OR2T33: variants seen among roughly 807,000 people sequenced by gnomAD.
The protein encoded by OR2T33 is olfactory receptor 2T33.
A neutral mutation model predicts 14.0 loss-of-function variants in OR2T33; 10 were observed. The ratio of observed to expected loss-of-function variants is 0.72; its 90% CI spans 0.44 to 1.22. The LOEUF (loss-of-function observed/expected upper bound fraction) is 1.22, where lower values mean the gene tolerates loss of function less well. OR2T33 is among the 50% of genes most tolerant of loss of function. The pLI is 0.00. For missense variants in OR2T33, 276 were observed against 405.9 expected (o/e 0.68, Z 2.75); for synonymous variants, 103 against 159.4 (o/e 0.65, Z 2.66).
chr1:248,276,311 A>G (rs1011816010), intron 1 of OR2T33, among the ~76,000 whole-genome samples: 2 of 152,340 alleles, frequency 1.3e-5, no homozygotes, highest in African/African-American at 4.8e-5. Context: ...AAGAAATTAC[A>G]TGATTTTTGC....
At chr1:248,275,172 G>A (rs1659433837) in intron 1 of OR2T33, among the ~76,000 whole-genome samples, 2 of 152,150 alleles carry the variant, frequency 1.3e-5, no homozygotes, top group Non-Finnish European at 2.9e-5. Flanking sequence ...CTCATTCAGG[G>A]CCTTCAGAAA....
At position 248,275,735 on chromosome 1, in the gene OR2T33, C is replaced by CAAA. The variant is rs71782093; in HGVS notation, c.-8-1916_-8-1914dup. ...TAAAATAGAGTGTGCAGAGAAGCACCAAAAAAAAAAAAATCACCTGTGTCT... is the reference window on the plus strand; with the variant it reads ...TAAAATAGAGTGTGCAGAGAAGCACCAAAAAAAAAAAAAAAATCACCTGTGTCT... On this transcript the variant is annotated intron_variant, in intron 1 of 1. Transcript: ENST00000641220. 4.6e-4 allele frequency among the ~76,000 whole-genome samples: 68 copies of CAAA among 146,314 alleles called. 1 individual carries two copies. Among genetic ancestry groups the CAAA allele is most frequent in the Non-Finnish European group, 6.1e-4 (41 of 66,738 alleles).
intron 1 of OR2T33, among the ~76,000 whole-genome samples, chr1:248,276,708 C>G (rs1459624333): frequency 6.6e-6 from 1 of 152,036 alleles, no homozygotes; most frequent in Non-Finnish European, 1.5e-5. Flanking sequence ...TCATCCTAAG[C>G]TGTGAAAAAT....
chr1:248,273,023 C>A lies in OR2T33; in HGVS notation c.792G>T (p.Arg264Ser), dbSNP rs774513477. 18 of 1,613,930 alleles carry A rather than the reference C, an allele frequency of 1.1e-5. No individual in the cohort carries two copies. Among genetic ancestry groups the A allele is most frequent in the Non-Finnish European group, 1.3e-5 (15 of 1,179,982 alleles). The change falls in exon 2 of 2, where the codon AGG becomes AGT. Residue 264 changes from arginine to serine, a missense_variant. Arg to Ser is a moderately radical substitution (Grantham distance 110, BLOSUM62 -1). Coordinates refer to ENST00000641220, the MANE Select transcript of OR2T33 (RefSeq NM_001004695.2). ...IFTYMRPKSH[R>S]STNHDKVVSA... Reference sequence around the variant, plus strand: ...ACACAACCTTGTCATGGTTAGTGGACCTATGGGATTTGGGTCTCATATAGG... The same window carrying A: ...ACACAACCTTGTCATGGTTAGTGGAACTATGGGATTTGGGTCTCATATAGG...
chr1:248,270,849 C>G lies in OR2T33; in HGVS notation c.*2003G>C, dbSNP rs543694712. On this transcript the variant is annotated 3_prime_UTR_variant, in exon 2 of 2. Transcript: ENST00000641220. ...ATATACCATTAAAATAACAAACAGG[C>G]TAGCCAAAAAGCAGGAAAAAATATT... 6.6e-6 allele frequency: 1 copy of G among 151,994 alleles called. No homozygotes were observed. The highest frequency in any genetic ancestry group is 1.9e-4 in the East Asian group (1 of 5,174). The allele number at this position is 151,994 out of a possible 1,614,324, so 9.4% of individuals were successfully genotyped here.
Position 248,272,542 on chromosome 1 carries a change from T to G in OR2T33, c.*310A>C. The G allele has an allele frequency of 3.7e-6, 1 of 271,934 alleles. No homozygotes were observed. The highest frequency in any genetic ancestry group is 7.9e-5 in the East Asian group (1 of 12,598). 16.8% of individuals were successfully genotyped at this position (271,934 alleles called of 1,614,324 possible). ...CTTATTATTTCCGTGCTGTGTGAAA[T>G]TGGGAACAATATTTACCTTTCCATG... On this transcript the variant is annotated 3_prime_UTR_variant, in exon 2 of 2. Coordinates refer to ENST00000641220, the MANE Select transcript of OR2T33 (RefSeq NM_001004695.2).
chr1:248,276,498 G>A (rs1659448681), intron 1 of OR2T33, among the ~76,000 whole-genome samples: 1 of 152,046 alleles, frequency 6.6e-6, no homozygotes, highest in Non-Finnish European at 1.5e-5. Context: ...GAAGGCTATG[G>A]TGACATGATG....
Position 248,272,762 on chromosome 1 carries a change from A to T in OR2T33, c.*90T>A. 1 of 1,489,068 alleles carries T rather than the reference A, an allele frequency of 6.7e-7. No homozygotes were observed. Among genetic ancestry groups the T allele is most frequent in the Non-Finnish European group, 9.0e-7 (1 of 1,110,088 alleles). The allele number at this position is 1,489,068 out of a possible 1,614,324, so 92.2% of individuals were successfully genotyped here. A position where few individuals can be genotyped will look rare whatever the true frequency, so the allele number is the denominator to read the frequency against. ...TCCTATTATATCAATGCAAAAACTTAATTTTCTCTGCATGAATTGCTAAAG... is the reference window on the plus strand; with the variant it reads ...TCCTATTATATCAATGCAAAAACTTTATTTTCTCTGCATGAATTGCTAAAG... On this transcript the variant is annotated 3_prime_UTR_variant, in exon 2 of 2. Coordinates refer to ENST00000641220, the MANE Select transcript of OR2T33 (RefSeq NM_001004695.2).
Position 248,277,828 on chromosome 1 carries a change from G to C in OR2T33, c.-72C>G, listed in dbSNP as rs1659464116. 6.6e-6 allele frequency: 1 copy of C among 152,088 alleles called. No individual in the cohort carries two copies. The highest frequency in any genetic ancestry group is 2.1e-4 in the South Asian group (1 of 4,836). The allele number at this position is 152,088 out of a possible 1,614,324, so 9.4% of individuals were successfully genotyped here. A position where few individuals can be genotyped will look rare whatever the true frequency, so the allele number is the denominator to read the frequency against. On this transcript the variant is annotated 5_prime_UTR_variant, in exon 1 of 2. Transcript: ENST00000641220. ...TGGGACTGAATCTTTCTGATGGTTTGAGTACAAATGTTTGCTTAATCTTAG... is the reference window on the plus strand; with the variant it reads ...TGGGACTGAATCTTTCTGATGGTTTCAGTACAAATGTTTGCTTAATCTTAG...
rs75662887 is a variant in OR2T33, at chr1:248,273,555, C to T, written c.260G>A (p.Ser87Asn). The T allele has an allele frequency of 0.061, 93,162 of 1,538,754 alleles. 1,668 individuals are homozygous for T. Among genetic ancestry groups the T allele is most frequent in the East Asian group, 0.26 (11,171 of 43,084 alleles). ...PKMAADYLTG[S>N]KAISRAGCGV... ...ACAGCCAGCGCGGGAGATGGCCTTA[C>T]TTCCGGTCAAGTAGTCAGCCGCCAT... Residue 87 changes from serine to asparagine, a missense_variant, in exon 2 of 2, where the codon AGT (serine) becomes AAT (asparagine). By Grantham distance (46) the Ser-to-Asn change is conservative. Transcript: ENST00000641220.
rs1018626714 is a variant in OR2T33, at chr1:248,269,952, A to C, written c.*2900T>G. 6.6e-6 allele frequency: 1 copy of C among 152,212 alleles called. No individual in the cohort carries two copies. Among genetic ancestry groups the C allele is most frequent in the African/African-American group, 2.4e-5 (1 of 41,448 alleles). The allele number at this position is 152,212 out of a possible 1,614,324, so 9.4% of individuals were successfully genotyped here. A position where few individuals can be genotyped will look rare whatever the true frequency, so the allele number is the denominator to read the frequency against. ...CCCAAGGATTATAAATCATGCTGCT[A>C]TAAAGACACATGCACACATATGTTT... On this transcript the variant is annotated 3_prime_UTR_variant, in exon 2 of 2. Coordinates refer to ENST00000641220, the MANE Select transcript of OR2T33 (RefSeq NM_001004695.2).
At chr1:248,275,131 G>A (rs1423937922) in intron 1 of OR2T33, among the ~76,000 whole-genome samples, 1 of 152,134 alleles carries the variant, frequency 6.6e-6, no homozygotes, top group Non-Finnish European at 1.5e-5. Flanking sequence ...ATATTTGCAG[G>A]ATTTTAGACC....
chr1:248,275,575 C>T (rs1004319955), intron 1 of OR2T33, among the ~76,000 whole-genome samples: 2 of 152,168 alleles, frequency 1.3e-5, no homozygotes, highest in African/African-American at 4.8e-5. Context: ...TAAAGGAGGG[C>T]AGGACTTGAT....
At chr1:248,276,051 G>A (rs1659443264) in intron 1 of OR2T33, among the ~76,000 whole-genome samples, 2 of 152,132 alleles carry the variant, frequency 1.3e-5, no homozygotes, top group Admixed American at 1.3e-4. Flanking sequence ...GAGAGGGGAT[G>A]GTTTCGGGAT....
chr1:248,276,046 G>C (rs1475827004), intron 1 of OR2T33, among the ~76,000 whole-genome samples: 1 of 152,122 alleles, frequency 6.6e-6, no homozygotes, highest in Non-Finnish European at 1.5e-5. Context: ...TGTAGGAGAG[G>C]GGATGGTTTC....
intron 1 of OR2T33, among the ~76,000 whole-genome samples, chr1:248,275,735 C>CAA (rs71782093): frequency 0.071 from 10,434 of 146,214 alleles, 399 homozygotes; most frequent in Middle Eastern, 0.11. Flanking sequence ...AGAGAAGCAC[C>CAA]AAAAAAAAAA....
At chr1:248,275,447 A>C (rs1659437115) in intron 1 of OR2T33, among the ~76,000 whole-genome samples, 1 of 152,164 alleles carries the variant, frequency 6.6e-6, no homozygotes, top group East Asian at 1.9e-4. Flanking sequence ...ATACTATTTA[A>C]AGTATCTTTC....
chr1:248,270,318 A>G lies in OR2T33; in HGVS notation c.*2534T>C, dbSNP rs1051225652. On this transcript the variant is annotated 3_prime_UTR_variant, in exon 2 of 2. Coordinates refer to ENST00000641220, the MANE Select transcript of OR2T33 (RefSeq NM_001004695.2). ...TAGCACTAGGAGATATACCTAATGT[A>G]AATGATGAGTTAATGAGTGCAGCAC... The G allele has an allele frequency of 1.3e-4, 20 of 152,232 alleles. No homozygotes were observed. The highest frequency in any genetic ancestry group is 4.6e-4 in the African/African-American group (19 of 41,452). 9.4% of individuals were successfully genotyped at this position (152,232 alleles called of 1,614,324 possible).
At chr1:248,276,509 G>A (rs1659448806) in intron 1 of OR2T33, among the ~76,000 whole-genome samples, 1 of 152,040 alleles carries the variant, frequency 6.6e-6, no homozygotes, top group Admixed American at 6.6e-5. Context: ...TGACATGATG[G>A]TGAAAGTCTA....
Sources: allele counts gnomAD v4.1 joint callset (sites outside exome capture counted in the v4.1 genomes callset), GRCh38; gene constraint gnomAD v4.1.1; transcripts MANE v1.5; gene names NCBI Gene and HGNC (gene_info 2026-07-23, HGNC 2026-07-21).